The following SORCS2 variants were observed in gnomAD, a reference collection of about 807,000 sequenced individuals.
SORCS2 encodes sortilin related VPS10 domain containing receptor 2.
In SORCS2, 100 loss-of-function variants were observed where a neutral mutation model predicts 141.6. That is an observed-to-expected ratio of 0.71 (90% CI 0.60 to 0.83). The LOEUF is 0.83. SORCS2 is among the 40% of genes least tolerant of loss of function. The pLI is 0.00. For missense variants in SORCS2, 1,646 were observed against 1,560.2 expected, an observed-to-expected ratio of 1.05 and a Z score of -0.93; for synonymous variants, 789 against 676.9, an observed-to-expected ratio of 1.17 and a Z score of -2.57.
chr4:7,434,922 T>C (rs1037872021), intron 2 of SORCS2: 1 of 1,487,354 alleles, frequency 6.7e-7, no homozygotes, highest in African/African-American at 1.4e-5. Flanking sequence ...CAGCAGTGGC[T>C]GCTGCTATAA....
chr4:7,275,108 G>A (rs1449431728), intron 1 of SORCS2, among the ~76,000 whole-genome samples: 4 of 152,104 alleles, frequency 2.6e-5, no homozygotes, highest in African/African-American at 9.7e-5. Flanking sequence ...TAATTTTCTG[G>A]GAGTAAACGG....
At chr4:7,262,059 A>T (rs1049581520) in intron 1 of SORCS2, among the ~76,000 whole-genome samples, 3 of 152,222 alleles carry the variant, frequency 2.0e-5, no homozygotes, top group African/African-American at 7.2e-5. Context: ...TGTGTGATGA[A>T]ATTAGCTTTG....
chr4:7,443,990 A>G (rs1727839412), intron 2 of SORCS2, among the ~76,000 whole-genome samples: 1 of 152,218 alleles, frequency 6.6e-6, no homozygotes, highest in Non-Finnish European at 1.5e-5. Context: ...GCGAGTTGGG[A>G]GTGCCTCACC....
At chr4:7,246,478 C>G (rs9759802) in intron 1 of SORCS2, among the ~76,000 whole-genome samples, 47 of 125,410 alleles carry the variant, frequency 3.7e-4, no homozygotes, top group Non-Finnish European at 6.3e-4. Context: ...TGAACCCACA[C>G]GTCTCACCTG....
chr4:7,303,588 G>A (rs1057096154), intron 1 of SORCS2, among the ~76,000 whole-genome samples: 5 of 152,194 alleles, frequency 3.3e-5, no homozygotes, highest in South Asian at 2.1e-4. Flanking sequence ...GAATTTCGGC[G>A]TTTGGTGATG....
At chr4:7,288,199 T>C (rs888877306) in intron 1 of SORCS2, among the ~76,000 whole-genome samples, 10 of 152,172 alleles carry the variant, frequency 6.6e-5, no homozygotes, top group Non-Finnish European at 1.3e-4. Context: ...ACCCATGTCC[T>C]CAGGATGAGC....
intron 2 of SORCS2, among the ~76,000 whole-genome samples, chr4:7,477,149 G>A (rs142144412): frequency 3.3e-5 from 5 of 152,250 alleles, no homozygotes; most frequent in Non-Finnish European, 5.9e-5. Flanking sequence ...GGCTGAGTCC[G>A]TGGCAGGGCA....
At chr4:7,688,992 C>T (rs980027789) in intron 10 of SORCS2, among the ~76,000 whole-genome samples, 3 of 152,206 alleles carry the variant, frequency 2.0e-5, no homozygotes, top group African/African-American at 7.2e-5. Flanking sequence ...ACTGTGGTCA[C>T]ATAAGAGGCT....
intron 3 of SORCS2, among the ~76,000 whole-genome samples, chr4:7,637,573 C>A (rs1237987833): frequency 6.6e-6 from 1 of 152,130 alleles, no homozygotes; most frequent in African/African-American, 2.4e-5. Flanking sequence ...GAACAGTGCC[C>A]CGCACTCCAT....
At chr4:7,261,567 G>A (rs1372999408) in intron 1 of SORCS2, among the ~76,000 whole-genome samples, 1 of 152,166 alleles carries the variant, frequency 6.6e-6, no homozygotes, top group South Asian at 2.1e-4. Flanking sequence ...TCCCTCAAAA[G>A]CCCTGGCTTG....
chr4:7,443,407 G>A (rs927042310), intron 2 of SORCS2, among the ~76,000 whole-genome samples: 3 of 152,186 alleles, frequency 2.0e-5, no homozygotes, highest in East Asian at 1.9e-4. Flanking sequence ...TGCCTCTAAA[G>A]CCCTTCTGAG....
In SORCS2 at chr4:7,733,339, GC is replaced by G. The variant is rs1560121125; in HGVS notation, c.3127del (p.Gln1043ArgfsTer3). ...GCTTGCAGAGGCTCGCCGCCATCCA[GC>G]AGGTGCTGAACGCACAGAAGATCAG... is the stretch of plus-strand genomic sequence containing the variant. Reference protein sequence around the residue: ...SSDKRLAAIQQVLNAQKISFL... With the variant: ...SSDKRLAAIQXVLNAQKISFL... On this transcript the variant is annotated frameshift_variant, in exon 24 of 27. Coordinates refer to ENST00000507866, the MANE Select transcript of SORCS2 (RefSeq NM_020777.3). LOFTEE classifies it high-confidence loss of function. 6.4e-7 allele frequency: 1 copy of G among 1,558,794 alleles called. No homozygotes were observed. The highest frequency in any genetic ancestry group is 1.2e-5 in the South Asian group (1 of 83,862).
intron 1 of SORCS2, among the ~76,000 whole-genome samples, chr4:7,384,291 G>C (rs1449575200): frequency 6.6e-6 from 1 of 152,226 alleles, no homozygotes; most frequent in Non-Finnish European, 1.5e-5. Flanking sequence ...AGGCCTGTGG[G>C]GGGACTGAAA....
intron 2 of SORCS2, among the ~76,000 whole-genome samples, chr4:7,400,349 A>G (rs1481909889): frequency 6.6e-6 from 1 of 152,256 alleles, no homozygotes; most frequent in Non-Finnish European, 1.5e-5. Context: ...CAGTCTCCCC[A>G]TAAACCTCTT....
intron 1 of SORCS2, 98 bp from the exon 2 acceptor site, chr4:7,396,190 A>C (rs1724202193): frequency 8.6e-7 from 1 of 1,161,000 alleles, no homozygotes. Flanking sequence ...TGTTATTTAG[A>C]GACCCCAAAT....
chr4:7,664,248 C>A lies in SORCS2; in HGVS notation c.953-105C>A. 1 of 873,450 alleles carries A rather than the reference C, an allele frequency of 1.1e-6. No individual in the cohort carries two copies. Among genetic ancestry groups the A allele is most frequent in the South Asian group, 1.7e-5 (1 of 58,720 alleles). The allele number at this position is 873,450 out of a possible 1,614,324, so 54.1% of individuals were successfully genotyped here. On this transcript the variant is annotated intron_variant, in intron 6 of 26. Transcript: ENST00000507866. This position sits in a 1 kb window ranked among gnomAD's most constrained non-coding sequence, Gnocchi z 4.7. ...CCTTTAGAATTCAAGCCCATGAAGCCACACCACAGCGGTATTGGAGGAAGA... is the reference window on the plus strand; with the variant it reads ...CCTTTAGAATTCAAGCCCATGAAGCAACACCACAGCGGTATTGGAGGAAGA...
chr4:7,574,895 C>A (rs117785371), intron 3 of SORCS2, among the ~76,000 whole-genome samples: 1 of 152,222 alleles, frequency 6.6e-6, no homozygotes, highest in Non-Finnish European at 1.5e-5. Context: ...CTCTTTACAC[C>A]GCCCATTCTG....
chr4:7,551,023 G>A (rs764458603), intron 3 of SORCS2, among the ~76,000 whole-genome samples: 3 of 152,204 alleles, frequency 2.0e-5, no homozygotes, highest in Non-Finnish European at 4.4e-5. Flanking sequence ...GTGACCGCTA[G>A]TGCCTTGGCC....
chr4:7,341,561 G>A (rs150232530), intron 1 of SORCS2, among the ~76,000 whole-genome samples: 128 of 152,326 alleles, frequency 8.4e-4, no homozygotes, highest in Non-Finnish European at 1.5e-3. Context: ...ATGAACAAGG[G>A]ACCAGGAACT....
Sources: gnomAD v4.1 joint callset for allele counts (sites outside exome capture counted in the v4.1 genomes callset) on GRCh38, gnomAD v4.1.1 for gene constraint, Gnocchi (gnomAD v3.1) non-coding constraint, MANE v1.5 for transcripts, NCBI Gene and HGNC (gene_info 2026-07-23, HGNC 2026-07-21) for gene names.